TJAP1: variants seen among roughly 807,000 people sequenced by gnomAD.
TJAP1 encodes tight junction-associated protein 1.
TJAP1 carries 27 observed loss-of-function variants against 42.0 expected under a neutral mutation model. That is an observed-to-expected ratio of 0.64 (90% CI 0.47 to 0.89). The LOEUF (loss-of-function observed/expected upper bound fraction) is 0.89, where lower values mean the gene tolerates loss of function less well. Among genes scored for constraint, TJAP1 ranks in the 40% least tolerant of loss-of-function variants. The pLI is 0.00. For synonymous variants in TJAP1, 257 were observed against 288.4 expected, an observed-to-expected ratio of 0.89 and a Z score of 1.10; for missense variants, 712 against 726.9, an observed-to-expected ratio of 0.98 and a Z score of 0.24.
At position 43,505,768 on chromosome 6, in the gene TJAP1, G is replaced by A. The variant is rs1792239582; in HGVS notation, c.1587G>A (p.Gln529=). 1 of 1,516,078 alleles carries A rather than the reference G, an allele frequency of 6.6e-7. No homozygotes were observed. Among genetic ancestry groups the A allele is most frequent in the Non-Finnish European group, 8.8e-7 (1 of 1,136,804 alleles). The allele number at this position is 1,516,078 out of a possible 1,614,324, so 93.9% of individuals were successfully genotyped here. ...CACTCCCCAGCTCCAGTCGCCCCCA[G>A]CGCAGCCCCAAGAGGATGGGGGTTC... Residue 529 remains glutamine (Q), a synonymous_variant, in exon 11 of 11, where the codon CAG becomes CAA. Transcript: ENST00000372449. This position sits in a 1 kb window ranked among gnomAD's most constrained non-coding sequence, Gnocchi z 5.5.
intron 2 of TJAP1, chr6:43,497,530 C>G (rs1046406197): frequency 6.6e-6 from 1 of 152,236 alleles, no homozygotes; most frequent in Non-Finnish European, 1.5e-5. Flanking sequence ...CCCCAAATCT[C>G]TTAGTTGTTT....
chr6:43,505,304 G>C lies in TJAP1; in HGVS notation c.1123G>C (p.Val375Leu). The C allele has an allele frequency of 6.2e-7, 1 of 1,611,176 alleles. No individual in the cohort carries two copies. Among genetic ancestry groups the C allele is most frequent in the South Asian group, 1.1e-5 (1 of 91,032 alleles). Residue 375 changes from valine to leucine, a missense_variant, in exon 11 of 11, where the codon GTG (valine) becomes CTG (leucine). By Grantham distance (32) the Val-to-Leu change is conservative. This residue lies in a region of TJAP1 where 549 missense variants were observed against 528.2 expected (regional missense o/e 1.04). Transcript: ENST00000372449. This position sits in a 1 kb window ranked among gnomAD's most constrained non-coding sequence, Gnocchi z 5.5. ...GAGTGAGCGGGCCCGCCCCAGCCCA[G>C]TGCCCAGCACCCCTGCCTCAGCCCA...
chr6:43,503,528 C>G lies in TJAP1; in HGVS notation c.495+20C>G. 1 of 1,611,478 alleles carries G rather than the reference C, an allele frequency of 6.2e-7. No homozygotes were observed. Among genetic ancestry groups the G allele is most frequent in the Non-Finnish European group, 8.5e-7 (1 of 1,177,580 alleles). On this transcript the variant is annotated intron_variant, in intron 9 of 10. Coordinates refer to ENST00000372449, the Ensembl canonical transcript of TJAP1. ...CTCAATGTATGTGCGCTTCACTACTCGGGCCTTCCTCACCTGGGGCTAGCT... is the reference window on the plus strand; with the variant it reads ...CTCAATGTATGTGCGCTTCACTACTGGGGCCTTCCTCACCTGGGGCTAGCT...
intron 10 of TJAP1, chr6:43,504,177 C>T: frequency 3.9e-6 from 1 of 256,164 alleles, no homozygotes; most frequent in South Asian, 4.6e-5. Flanking sequence ...TGCAGTGGCA[C>T]AATCTCGGCT....
chr6:43,505,504 G>A lies in TJAP1; in HGVS notation c.1323G>A (p.Glu441=). 1 of 1,613,914 alleles carries A rather than the reference G, an allele frequency of 6.2e-7. No individual in the cohort carries two copies. Among genetic ancestry groups the A allele is most frequent in the African/African-American group, 1.3e-5 (1 of 75,058 alleles). The change falls in exon 11 of 11, where the codon GAG becomes GAA. Residue 441 remains glutamate (E), a synonymous_variant. Transcript: ENST00000372449. The surrounding 1 kb of genome is among the most constrained non-coding windows in gnomAD (Gnocchi z 5.5). ...CCTTTGGACGCGATGCCCTCCCTGA[G>A]CTGCAGCGCCATTTTGCCCATAGCC...
intron 4 of TJAP1, 141 bp from the exon 5 acceptor site, chr6:43,500,603 C>T (rs776446014): frequency 2.4e-6 from 2 of 840,924 alleles, no homozygotes; most frequent in South Asian, 1.5e-5. Context: ...TTGCTTCCAT[C>T]CGTAGAGAGC....
chr6:43,490,881 G>T (rs1296082725), intron 2 of TJAP1, among the ~76,000 whole-genome samples: 1 of 152,248 alleles, frequency 6.6e-6, no homozygotes, highest in African/African-American at 2.4e-5. Flanking sequence ...GTGCAGCCTG[G>T]CTTGGAGAAG....
rs144323918 is a variant in TJAP1 at position 43,493,850 on chromosome 6, C to T, written c.-121-4031C>T. Reference sequence around the variant, plus strand: ...CAATCTTCCACCACGGTGGAAGCCCCTGATCAAATATGCGTACCCACAAAA... The same window carrying T: ...CAATCTTCCACCACGGTGGAAGCCCTTGATCAAATATGCGTACCCACAAAA... On this transcript the variant is annotated intron_variant, in intron 2 of 10. Coordinates refer to ENST00000372449, the Ensembl canonical transcript of TJAP1. Among the ~76,000 whole-genome samples, 117 of 152,178 alleles carry T rather than the reference C, an allele frequency of 7.7e-4. 2 individuals carry two copies. In the East Asian group the frequency reaches 0.021, roughly 27 times the overall value.
intron 5 of TJAP1, chr6:43,501,166 G>A (rs371344173): frequency 5.3e-6 from 2 of 377,608 alleles, no homozygotes; most frequent in African/African-American, 4.1e-5. Flanking sequence ...TGATTGTGCA[G>A]TGGGGAAACT....
intron 4 of TJAP1, 197 bp from the exon 5 acceptor site, chr6:43,500,547 G>C (rs1210589461): frequency 6.8e-6 from 4 of 591,828 alleles, no homozygotes; most frequent in Non-Finnish European, 1.2e-5. Context: ...GAATCTTCTG[G>C]TTGGCATGGG....
Position 43,505,958 on chromosome 6 carries a change from TC to T in TJAP1, c.*105del. The T allele has an allele frequency of 7.9e-7, 1 of 1,263,080 alleles. No homozygotes were observed. Among genetic ancestry groups the T allele is most frequent in the Non-Finnish European group, 1.0e-6 (1 of 968,390 alleles). 78.2% of individuals were successfully genotyped at this position (1,263,080 alleles called of 1,614,324 possible). On this transcript the variant is annotated 3_prime_UTR_variant, in exon 11 of 11. Coordinates refer to ENST00000372449, the Ensembl canonical transcript of TJAP1. The surrounding 1 kb of genome is among the most constrained non-coding windows in gnomAD (Gnocchi z 5.5). Reference sequence around the variant, plus strand: ...GTCCAAGCCCTTGACCTCTCCTCTATCCAGACCCGCACAGCTGTTTCCTGTG... The same window carrying T: ...GTCCAAGCCCTTGACCTCTCCTCTATCAGACCCGCACAGCTGTTTCCTGTG...
At chr6:43,497,572 C>T (rs1038183279) in intron 2 of TJAP1, 12 of 152,158 alleles carry the variant, frequency 7.9e-5, no homozygotes, top group African/African-American at 2.2e-4. Context: ...AGATGAGGAC[C>T]GATGTGGAGT....
intron 5 of TJAP1, 128 bp from the exon 6 acceptor site, chr6:43,501,398 A>G: frequency 1.2e-6 from 1 of 808,082 alleles, no homozygotes; most frequent in South Asian, 1.7e-5. Flanking sequence ...CTAAGACTCC[A>G]GGAGTTTCCC....
chr6:43,483,124 TA>T (rs70990191), intron 2 of TJAP1, among the ~76,000 whole-genome samples: 4,934 of 125,238 alleles, frequency 0.039, 199 homozygotes, highest in African/African-American at 0.11. Context: ...TCCATCTCAA[TA>T]AAAAAAAAAA....
chr6:43,504,193 C>T (rs1283765328), intron 10 of TJAP1: 2 of 242,732 alleles, frequency 8.2e-6, no homozygotes, highest in Non-Finnish European at 1.6e-5. Context: ...CGGCTCACTG[C>T]AACCTCCGCC....
rs949160255 is a variant in TJAP1 at position 43,491,324 on chromosome 6, C to G, written c.-121-6557C>G. ...GTTTTTTTTGAGACAGAGTTTCGCT[C>G]TTGTTGCCCAGGCTGGAGTGCAATG... is the stretch of plus-strand genomic sequence containing the variant. On this transcript the variant is annotated intron_variant, in intron 2 of 10. Coordinates refer to ENST00000372449, the Ensembl canonical transcript of TJAP1. This position sits in a 1 kb window ranked among gnomAD's most constrained non-coding sequence, Gnocchi z 4.6. 1.3e-5 allele frequency among the ~76,000 whole-genome samples: 2 copies of G among 152,140 alleles called. No individual in the cohort carries two copies. The highest frequency in any genetic ancestry group is 2.9e-5 in the Non-Finnish European group (2 of 68,026).
chr6:43,505,932 A>G lies in TJAP1; in HGVS notation c.*77A>G. 7.1e-7 allele frequency: 1 copy of G among 1,401,250 alleles called. No homozygotes were observed. Among genetic ancestry groups the G allele is most frequent in the Non-Finnish European group, 9.3e-7 (1 of 1,076,264 alleles). The allele number at this position is 1,401,250 out of a possible 1,614,324, so 86.8% of individuals were successfully genotyped here. A position where few individuals can be genotyped will look rare whatever the true frequency, so the allele number is the denominator to read the frequency against. ...CACACCTTGGCAGCTCAGGGTCCCC[A>G]GTCCAAGCCCTTGACCTCTCCTCTA... On this transcript the variant is annotated 3_prime_UTR_variant, in exon 11 of 11. Transcript: ENST00000372449. The surrounding 1 kb of genome is among the most constrained non-coding windows in gnomAD (Gnocchi z 5.5).
chr6:43,503,623 G>C (rs769084874), exon 10 of TJAP1: 20 of 1,613,942 alleles, frequency 1.2e-5, no homozygotes, highest in Non-Finnish European at 1.7e-5. Flanking sequence ...GTGTCTGTAG[G>C]AGCGGTACCG....
chr6:43,500,738 G>A lies in TJAP1; in HGVS notation c.100-6G>A. Reference sequence around the variant, plus strand: ...GCTGAGCCTCAAGCCTCTCTTTTTTGCCTAGGAACCCCTGACTGATGCAGA... The same window carrying A: ...GCTGAGCCTCAAGCCTCTCTTTTTTACCTAGGAACCCCTGACTGATGCAGA... On this transcript the variant is annotated splice_polypyrimidine_tract_variant and splice_region_variant and intron_variant, in intron 4 of 10. Coordinates refer to ENST00000372449, the Ensembl canonical transcript of TJAP1. The A allele has an allele frequency of 6.2e-7, 1 of 1,613,874 alleles. No individual in the cohort carries two copies. Among genetic ancestry groups the A allele is most frequent in the African/African-American group, 1.3e-5 (1 of 74,970 alleles).
Sources: gnomAD v4.1 joint callset for allele counts (sites outside exome capture counted in the v4.1 genomes callset) on GRCh38, gnomAD v4.1.1 for gene constraint, gnomAD v4.1.1 regional missense constraint, Gnocchi (gnomAD v3.1) non-coding constraint, MANE v1.5 for transcripts, NCBI Gene and HGNC (gene_info 2026-07-23, HGNC 2026-07-21) for gene names.